KLF12: variants seen among roughly 807,000 people sequenced by gnomAD.
KLF12 encodes the protein KLF transcription factor 12.
A neutral mutation model predicts 37.8 loss-of-function variants in KLF12; 9 were observed. That is an observed-to-expected ratio of 0.24 (90% CI 0.14 to 0.42). The LOEUF (loss-of-function observed/expected upper bound fraction) is 0.42. Among genes scored for constraint, KLF12 ranks in the 10% least tolerant of loss-of-function variants. The pLI, the probability that KLF12 is intolerant of heterozygous loss-of-function variation, is 1.00. For synonymous variants in KLF12, 208 were observed against 202.1 expected (o/e 1.03, Z -0.25); for missense variants, 411 against 516.0 (o/e 0.80, Z 1.97).
At chr13:73,734,773 C>T (rs1429543268) in intron 6 of KLF12, among the ~76,000 whole-genome samples, 2 of 152,106 alleles carry the variant, frequency 1.3e-5, no homozygotes, top group African/African-American at 4.8e-5. Flanking sequence ...GTCTGATTTT[C>T]ACAAAATTAT....
chr13:73,906,224 G>A (rs1199912699), intron 3 of KLF12, among the ~76,000 whole-genome samples: 1 of 151,918 alleles, frequency 6.6e-6, no homozygotes, highest in Non-Finnish European at 1.5e-5. Context: ...TATCCTACTT[G>A]GGATACTTTG....
chr13:74,279,506 A>G, the KLF12 span, among the ~76,000 whole-genome samples: 2 of 129,008 alleles, frequency 1.6e-5, no homozygotes, highest in Non-Finnish European at 3.2e-5. Context: ...TGAAATAAAC[A>G]GAAATTTTGT....
chr13:73,845,011 G>GC (rs1273007655), intron 4 of KLF12: 1 of 151,982 alleles, frequency 6.6e-6, no homozygotes, highest in African/African-American at 2.4e-5. Flanking sequence ...TGATGCCACC[G>GC]CAATTTCTTC....
At chr13:74,238,301 TG>T in the KLF12 span, among the ~76,000 whole-genome samples, 1 of 128,852 alleles carries the variant, frequency 7.8e-6, no homozygotes, top group Non-Finnish European at 1.5e-5. Context: ...CACTTGATCA[TG>T]GTGGATAAGC....
chr13:74,262,403 T>G, the KLF12 span, among the ~76,000 whole-genome samples: 1 of 152,168 alleles, frequency 6.6e-6, no homozygotes, highest in Non-Finnish European at 1.5e-5. Context: ...TAAGAAAGAA[T>G]AGCTGTCCCT....
intron 5 of KLF12, among the ~76,000 whole-genome samples, chr13:73,793,519 C>T (rs2138284621): frequency 6.6e-6 from 1 of 152,272 alleles, no homozygotes; most frequent in East Asian, 1.9e-4. Flanking sequence ...TTGACAAAGT[C>T]CTTTGTTAGG....
Position 73,944,059 on chromosome 13 carries a change from G to T in KLF12, c.45C>A (p.Thr15=), listed in dbSNP as rs753197312. 2.5e-6 allele frequency: 4 copies of T among 1,605,722 alleles called. No homozygotes were observed. Among genetic ancestry groups the T allele is most frequent in the Non-Finnish European group, 3.4e-6 (4 of 1,173,750 alleles). Residue 15 remains threonine (T), a synonymous_variant, in exon 3 of 8, where the codon ACC becomes ACA. Coordinates refer to ENST00000377669, the MANE Select transcript of KLF12 (RefSeq NM_007249.5). ...CAAGCATTAACATTCTGTTCTCAAAGGTGTTGATATTCTGAGAATAGAAGG... is the reference window on the plus strand; with the variant it reads ...CAAGCATTAACATTCTGTTCTCAAATGTGTTGATATTCTGAGAATAGAAGG...
At chr13:74,157,858 T>G in the KLF12 span, among the ~76,000 whole-genome samples, 1 of 152,228 alleles carries the variant, frequency 6.6e-6, no homozygotes. Context: ...GACATCCTGC[T>G]GCTCCCATGG....
intron 3 of KLF12, among the ~76,000 whole-genome samples, chr13:73,874,123 T>C (rs945690540): frequency 8.5e-5 from 13 of 152,242 alleles, no homozygotes; most frequent in African/African-American, 2.9e-4. Context: ...ATTAAGGAAG[T>C]AGCAGTTCTG....
At chr13:73,734,621 G>T (rs1877316120) in intron 6 of KLF12, among the ~76,000 whole-genome samples, 1 of 151,362 alleles carries the variant, frequency 6.6e-6, no homozygotes, top group Admixed American at 6.6e-5. Flanking sequence ...CCTTTTTTGG[G>T]GGGGTGGGGG....
the KLF12 span, among the ~76,000 whole-genome samples, chr13:74,194,603 C>G: frequency 6.6e-6 from 1 of 152,136 alleles, no homozygotes; most frequent in African/African-American, 2.4e-5. Flanking sequence ...CTAATTGCCT[C>G]TTAAAGGTTC....
intron 4 of KLF12, among the ~76,000 whole-genome samples, chr13:73,821,996 A>G (rs1403064659): frequency 6.6e-6 from 1 of 152,118 alleles, no homozygotes; most frequent in Non-Finnish European, 1.5e-5. Flanking sequence ...TGTTTCTCCA[A>G]TTATGCTGTT....
intron 3 of KLF12, among the ~76,000 whole-genome samples, chr13:73,861,131 A>G (rs1885904583): frequency 6.6e-6 from 1 of 152,174 alleles, no homozygotes; most frequent in African/African-American, 2.4e-5. Context: ...ATGTCTATCA[A>G]GTTTTTCAAA....
intron 2 of KLF12, among the ~76,000 whole-genome samples, chr13:73,950,953 C>G (rs1890623678): frequency 6.6e-6 from 1 of 152,198 alleles, no homozygotes; most frequent in Admixed American, 6.5e-5. Flanking sequence ...AGAAAGCTGG[C>G]TGGGTGCTCC....
the KLF12 span, among the ~76,000 whole-genome samples, chr13:74,282,769 G>A: frequency 1.3e-5 from 2 of 152,140 alleles, no homozygotes; most frequent in Admixed American, 6.5e-5. Context: ...GGGTCTCAGA[G>A]GTTGGGGACC....
At chr13:74,300,044 A>G in the KLF12 span, among the ~76,000 whole-genome samples, 3 of 152,200 alleles carry the variant, frequency 2.0e-5, no homozygotes, top group Non-Finnish European at 2.9e-5. Context: ...TAATGGAAAA[A>G]AAAACCATTG....
chr13:74,200,983 A>G, the KLF12 span, among the ~76,000 whole-genome samples: 1 of 152,072 alleles, frequency 6.6e-6, no homozygotes. Context: ...GGGTGCTACT[A>G]TTTTATTAAA....
At chr13:73,885,955 T>G (rs1371055189) in intron 3 of KLF12, among the ~76,000 whole-genome samples, 1 of 152,162 alleles carries the variant, frequency 6.6e-6, no homozygotes, top group East Asian at 1.9e-4. Context: ...CTCCTATGAT[T>G]TTGGCTTACA....
intron 6 of KLF12, among the ~76,000 whole-genome samples, chr13:73,720,204 G>A (rs1876134588): frequency 6.6e-6 from 1 of 152,128 alleles, no homozygotes; most frequent in South Asian, 2.1e-4. Flanking sequence ...CTCGAGGGCT[G>A]TCCATAAGAA....
Sources: allele counts gnomAD v4.1 joint callset (sites outside exome capture counted in the v4.1 genomes callset), GRCh38; gene constraint gnomAD v4.1.1; transcripts MANE v1.5; gene names NCBI Gene and HGNC (gene_info 2026-07-23, HGNC 2026-07-21).